Variants in CCNY observed in about 807,000 individuals in gnomAD.
CCNY encodes the protein cyclin-Y.
A neutral mutation model predicts 42.8 loss-of-function variants in CCNY; 19 were observed. The ratio of observed to expected loss-of-function variants is 0.44; its 90% CI spans 0.31 to 0.65. CCNY has a LOEUF of 0.65. Among genes scored for constraint, CCNY ranks in the 30% least tolerant of loss-of-function variants. CCNY has a pLI of 0.07. For missense variants in CCNY, 370 were observed against 437.3 expected (o/e 0.85, Z 1.37); for synonymous variants, 165 against 162.7 (o/e 1.01, Z -0.11).
chr10:35,308,863 C>T (rs1835647726), intron 3 of CCNY, among the ~76,000 whole-genome samples: 1 of 152,120 alleles, frequency 6.6e-6, no homozygotes, highest in South Asian at 2.1e-4. Context: ...GCAATATTGA[C>T]AGGTGTCTGT....
intron 1 of CCNY, among the ~76,000 whole-genome samples, chr10:35,387,644 A>G (rs974743056): frequency 1.3e-5 from 2 of 152,256 alleles, no homozygotes; most frequent in Non-Finnish European, 2.9e-5. Flanking sequence ...TCATGCACAT[A>G]CAGTTTGCTT....
chr10:35,530,533 G>GA lies in CCNY; in HGVS notation c.579+291dup, dbSNP rs1424973527. 6.6e-6 allele frequency among the ~76,000 whole-genome samples: 1 copy of GA among 152,254 alleles called. No individual in the cohort carries two copies. Among genetic ancestry groups the GA allele is most frequent in the Non-Finnish European group, 1.5e-5 (1 of 68,044 alleles). On this transcript the variant is annotated intron_variant, in intron 7 of 9. Transcript: ENST00000374704. This position sits in a 1 kb window ranked among gnomAD's most constrained non-coding sequence, Gnocchi z 4.3. ...CAGGTAAGTAAAACAGTAGGGCTAA[G>GA]AGAGTGGTTATATGGCCAAGGTACT... is the stretch of plus-strand genomic sequence containing the variant.
upstream of CCNY, among the ~76,000 whole-genome samples, chr10:35,333,185 A>C (rs529640592): frequency 6.6e-6 from 1 of 152,080 alleles, no homozygotes; most frequent in East Asian, 1.9e-4. Context: ...GCCTTGTTAC[A>C]ATGCTCAGTG....
intron 1 of CCNY, among the ~76,000 whole-genome samples, chr10:35,389,014 A>G (rs1319944675): frequency 6.6e-6 from 1 of 152,180 alleles, no homozygotes; most frequent in Non-Finnish European, 1.5e-5. Context: ...TAATACCAGG[A>G]ACATCTGTTT....
chr10:35,568,456 G>A (rs920804521), intron 9 of CCNY, among the ~76,000 whole-genome samples: 21 of 152,156 alleles, frequency 1.4e-4, no homozygotes, highest in Admixed American at 1.3e-3. Context: ...ATGGTCCCCC[G>A]TCCTTATCAC....
In CCNY at chr10:35,494,990, C is replaced by T. The variant is rs79492631; in HGVS notation, c.230-6511C>T. Among the ~76,000 whole-genome samples, 12 of 152,322 alleles carry T rather than the reference C, an allele frequency of 7.9e-5. No individual in the cohort carries two copies. The East Asian group carries it at 2.3e-3, about 29-fold the overall frequency. On this transcript the variant is annotated intron_variant, in intron 2 of 9. Coordinates refer to ENST00000374704, the MANE Select transcript of CCNY (RefSeq NM_145012.6). ...GGATCTGCAACTTACTGAGCACCAA[C>T]CTGATGTTCAAAGGAAATACTCATT...
intron 1 of CCNY, among the ~76,000 whole-genome samples, chr10:35,458,980 C>A (rs1839098499): frequency 6.6e-6 from 1 of 152,118 alleles, no homozygotes; most frequent in Non-Finnish European, 1.5e-5. Context: ...AAGACCAAAC[C>A]TGAGAAGCAG....
intron 1 of CCNY, among the ~76,000 whole-genome samples, chr10:35,459,071 C>A (rs1839100494): frequency 1.3e-5 from 2 of 151,928 alleles, no homozygotes; most frequent in Admixed American, 6.5e-5. Flanking sequence ...GGAGGGAAGC[C>A]CACGTCATAT....
At chr10:35,385,696 A>G (rs937023879) in intron 1 of CCNY, among the ~76,000 whole-genome samples, 1 of 152,202 alleles carries the variant, frequency 6.6e-6, no homozygotes, top group African/African-American at 2.4e-5. Context: ...CTAATAATAG[A>G]TAAGAACGTT....
Position 35,337,148 on chromosome 10 carries a change from T to G in CCNY, c.95T>G (p.Leu32Arg). The change falls in exon 1 of 10, where the codon CTG (leucine) becomes CGG (arginine). Residue 32 changes from leucine to arginine, a missense_variant. Physicochemically the swap from Leu to Arg is moderately radical, Grantham distance 102. Transcript: ENST00000374704. ...RLESYRPDTDLSREDTGCNLQ... is the reference protein window; with the variant it reads ...RLESYRPDTDRSREDTGCNLQ... ...GAGTCCTACCGGCCAGACACGGACCTGAGCCGCGAGGACACGGGCTGCAAC... is the reference window on the plus strand; with the variant it reads ...GAGTCCTACCGGCCAGACACGGACCGGAGCCGCGAGGACACGGGCTGCAAC... 1.3e-6 allele frequency: 2 copies of G among 1,585,574 alleles called. No homozygotes were observed. The highest frequency in any genetic ancestry group is 1.7e-6 in the Non-Finnish European group (2 of 1,168,134).
intron 2 of CCNY, among the ~76,000 whole-genome samples, chr10:35,249,260 C>T (rs1286367718): frequency 6.6e-6 from 1 of 152,094 alleles, no homozygotes; most frequent in African/African-American, 2.4e-5. Context: ...GTTTTTGATG[C>T]CTTATATTGA....
At chr10:35,304,720 G>T (rs1835585892) in intron 3 of CCNY, among the ~76,000 whole-genome samples, 1 of 152,184 alleles carries the variant, frequency 6.6e-6, no homozygotes, top group Admixed American at 6.5e-5. Flanking sequence ...GGGCTGTCCT[G>T]TGCCTTGTAG....
chr10:35,307,188 G>A (rs1835616869), intron 3 of CCNY, among the ~76,000 whole-genome samples: 1 of 152,156 alleles, frequency 6.6e-6, no homozygotes, highest in South Asian at 2.1e-4. Context: ...CTGTGGTGCG[G>A]GTTAAGCGAG....
chr10:35,525,660 T>G (rs981098016), intron 4 of CCNY, among the ~76,000 whole-genome samples: 5 of 152,162 alleles, frequency 3.3e-5, no homozygotes, highest in Non-Finnish European at 5.9e-5. Flanking sequence ...CATAGCGCTT[T>G]TTTTTTTCCC....
At chr10:35,469,717 CAG>C (rs1175948637) in intron 1 of CCNY, among the ~76,000 whole-genome samples, 7 of 145,252 alleles carry the variant, frequency 4.8e-5, no homozygotes, top group African/African-American at 7.8e-5. Context: ...ACTGGAGAGA[CAG>C]ATAGGGAGAT....
At position 35,553,095 on chromosome 10, in the gene CCNY, C is replaced by A; in HGVS notation, c.656C>A (p.Ala219Glu). Residue 219 changes from alanine to glutamate, a missense_variant, in exon 8 of 10, where the codon GCG (alanine) becomes GAG (glutamate). By Grantham distance (107) the Ala-to-Glu change is moderately radical. Coordinates refer to ENST00000374704, the MANE Select transcript of CCNY (RefSeq NM_145012.6). Reference sequence around the variant, plus strand: ...AACTGGAAGCGGATTGTTTTAGGGGCGATCCTGCTGGCCTCCAAGGTGTGG... The same window carrying A: ...AACTGGAAGCGGATTGTTTTAGGGGAGATCCTGCTGGCCTCCAAGGTGTGG... ...PANWKRIVLG[A>E]ILLASKVWDD... The A allele has an allele frequency of 6.2e-7, 1 of 1,614,118 alleles. No individual in the cohort carries two copies. The highest frequency in any genetic ancestry group is 8.5e-7 in the Non-Finnish European group (1 of 1,179,998).
intron 7 of CCNY, among the ~76,000 whole-genome samples, chr10:35,547,713 G>A (rs373777192): frequency 1.2e-4 from 19 of 152,184 alleles, no homozygotes; most frequent in Admixed American, 5.9e-4. Flanking sequence ...GTGTGGATGC[G>A]GTCCCTTGTC....
intron 1 of CCNY, among the ~76,000 whole-genome samples, chr10:35,450,970 T>C (rs1249668091): frequency 3.9e-5 from 6 of 152,216 alleles, no homozygotes; most frequent in Admixed American, 1.3e-4. Context: ...AATTAAACTC[T>C]ATTTTGTTGG....
At chr10:35,380,588 GC>G (rs2135191817) in intron 1 of CCNY, among the ~76,000 whole-genome samples, 1 of 152,312 alleles carries the variant, frequency 6.6e-6, no homozygotes, top group South Asian at 2.1e-4. Flanking sequence ...TTAAGATATT[GC>G]CCAGGTACAA....
Sources: allele counts gnomAD v4.1 joint callset (sites outside exome capture counted in the v4.1 genomes callset), GRCh38; gene constraint gnomAD v4.1.1; non-coding constraint Gnocchi (gnomAD v3.1); transcripts MANE v1.5; gene names NCBI Gene and HGNC (gene_info 2026-07-23, HGNC 2026-07-21).